Variants in TMEM164 observed in about 807,000 individuals in gnomAD.
TMEM164 encodes transmembrane protein 164.
A neutral mutation model predicts 18.8 loss-of-function variants in TMEM164; 4 were observed. That is an observed-to-expected ratio of 0.21 (90% CI 0.10 to 0.49). The LOEUF (loss-of-function observed/expected upper bound fraction) is 0.49, where lower values mean the gene tolerates loss of function less well. Among genes scored for constraint, TMEM164 ranks in the 20% least tolerant of loss-of-function variants. The probability of loss-of-function intolerance (pLI) is 0.98; values close to 1 mark genes in which losing one functional copy is unlikely to be tolerated. For synonymous variants in TMEM164, 86 were observed against 101.7 expected (o/e 0.85, Z 0.93); for missense variants, 108 against 239.9 (o/e 0.45, Z 3.63).
intron 3 of TMEM164, among the ~76,000 whole-genome samples, chrX:110,101,482 G>T (rs2066109291): frequency 9.1e-6 from 1 of 109,504 alleles, no homozygotes; most frequent in African/African-American, 3.3e-5. Context: ...TGCTGATATT[G>T]TTAACTTTTT....
chrX:110,019,632 C>G (rs1042791115), intron 2 of TMEM164, among the ~76,000 whole-genome samples: 4 of 112,090 alleles, frequency 3.6e-5, no homozygotes, highest in African/African-American at 1.3e-4. Flanking sequence ...GATGCATACA[C>G]TTTATATTGT....
Position 110,018,241 on chromosome X carries a change from C to T in TMEM164, c.390+14077C>T, listed in dbSNP as rs773053333. ...GGTGACAAAGGCCAAAGAAGAAAAA[C>T]GTCAGAATAATCTGTCAGCCCAGTA... is the stretch of plus-strand genomic sequence containing the variant. On this transcript the variant is annotated intron_variant, in intron 2 of 6. Coordinates refer to ENST00000372068, the MANE Select transcript of TMEM164 (RefSeq NM_032227.4). Among the ~76,000 whole-genome samples, 123 of 112,228 alleles carry T rather than the reference C, an allele frequency of 1.1e-3. 4 individuals carry two copies. Among genetic ancestry groups the T allele is most frequent in the Non-Finnish European group, 9.8e-4 (52 of 53,207 alleles).
chrX:110,169,974 G>T (rs970485190), intron 5 of TMEM164, among the ~76,000 whole-genome samples: 1 of 111,702 alleles, frequency 9.0e-6, no homozygotes, highest in Middle Eastern at 4.7e-3. Flanking sequence ...TGGTGCATGG[G>T]ATGAAGCCCA....
At chrX:110,039,198 GTTA>G (rs917008795) in intron 2 of TMEM164, among the ~76,000 whole-genome samples, 4 of 112,485 alleles carry the variant, frequency 3.6e-5, no homozygotes, top group African/African-American at 9.7e-5. Context: ...AAAGGTAGTT[GTTA>G]TTATTAAAGC....
chrX:110,009,357 C>T (rs1411364278), intron 2 of TMEM164, among the ~76,000 whole-genome samples: 1 of 112,468 alleles, frequency 8.9e-6, no homozygotes, highest in Non-Finnish European at 1.9e-5. Flanking sequence ...TGTCCTTTCC[C>T]AGCCGTCTGA....
intron 2 of TMEM164, among the ~76,000 whole-genome samples, chrX:110,025,871 A>T (rs1934161648): frequency 8.9e-6 from 1 of 112,279 alleles, no homozygotes; most frequent in Non-Finnish European, 1.9e-5. Context: ...CTGGCTTGGC[A>T]TAGGGCTTTT....
At chrX:110,131,112 A>G (rs1389358508) in intron 4 of TMEM164, among the ~76,000 whole-genome samples, 1 of 111,906 alleles carries the variant, frequency 8.9e-6, no homozygotes, top group Non-Finnish European at 1.9e-5. Flanking sequence ...GGGAGATGTT[A>G]GAAGTAACAG....
intron 3 of TMEM164, among the ~76,000 whole-genome samples, chrX:110,073,737 C>A (rs776854309): frequency 5.6e-4 from 63 of 112,174 alleles, no homozygotes; most frequent in African/African-American, 1.9e-3. Flanking sequence ...AACCTGCTTT[C>A]CACAGTGGAT....
intron 5 of TMEM164, among the ~76,000 whole-genome samples, chrX:110,149,084 T>C (rs374425575): frequency 5.1e-4 from 6 of 11,776 alleles, no homozygotes; most frequent in Non-Finnish European, 1.2e-3. Flanking sequence ...ATCTATTGAG[T>C]TTTTTTTTTT....
Position 110,177,171 on chromosome X carries a change from TAAAAC to T in TMEM164, c.*3730_*3734del, listed in dbSNP as rs897021778. On this transcript the variant is annotated 3_prime_UTR_variant, in exon 7 of 7. Coordinates refer to ENST00000372068, the MANE Select transcript of TMEM164 (RefSeq NM_032227.4). Reference sequence around the variant, plus strand: ...GAAACAGACAAAGCCCCATGAAAAATAAAACAAAACAAAAGTCATTTCAAACAAAG... The same window carrying T: ...GAAACAGACAAAGCCCCATGAAAAATAAAACAAAAGTCATTTCAAACAAAG... The T allele has an allele frequency of 5.3e-5, 6 of 113,000 alleles. No homozygotes were observed. The highest frequency in any genetic ancestry group is 3.7e-4 in the South Asian group (1 of 2,738). The allele number at this position is 113,000 out of a possible 1,213,427, so 9.3% of individuals were successfully genotyped here. A position where few individuals can be genotyped will look rare whatever the true frequency, so the allele number is the denominator to read the frequency against.
chrX:110,105,750 TGAGAGAGAGAGAGAGAGA>T (rs59866982), intron 3 of TMEM164, among the ~76,000 whole-genome samples: 67 of 72,174 alleles, frequency 9.3e-4, no homozygotes, highest in African/African-American at 1.6e-3. Flanking sequence ...AGAGAGAGAA[TGAGAGAGAGAGAGAGAGA>T]GAGAGAGAGA....
At chrX:110,051,078 G>A (rs1935531672) in intron 2 of TMEM164, among the ~76,000 whole-genome samples, 1 of 112,173 alleles carries the variant, frequency 8.9e-6, no homozygotes, top group Admixed American at 9.4e-5. Flanking sequence ...CTCCCAGCTT[G>A]TTGTCTTGGT....
At chrX:110,168,447 G>A (rs994451092) in intron 5 of TMEM164, among the ~76,000 whole-genome samples, 5 of 112,667 alleles carry the variant, frequency 4.4e-5, no homozygotes, top group Non-Finnish European at 9.4e-5. Flanking sequence ...GGCAACAGGA[G>A]CGTTGAGCTC....
intron 3 of TMEM164, among the ~76,000 whole-genome samples, chrX:110,105,751 G>C (rs1278999716): frequency 6.4e-5 from 1 of 15,549 alleles, no homozygotes; most frequent in Admixed American, 9.2e-4. Context: ...GAGAGAGAAT[G>C]AGAGAGAGAG....
At chrX:110,062,815 G>A (rs1002230064) in intron 2 of TMEM164, among the ~76,000 whole-genome samples, 2 of 111,494 alleles carry the variant, frequency 1.8e-5, no homozygotes, top group African/African-American at 3.3e-5. Flanking sequence ...TCCGCCATCC[G>A]AAGAACCTTG....
intron 3 of TMEM164, among the ~76,000 whole-genome samples, chrX:110,101,897 C>T (rs1435529044): frequency 9.1e-6 from 1 of 109,789 alleles, no homozygotes; most frequent in East Asian, 2.9e-4. Context: ...TATTGTTTTT[C>T]TTTTCCATTT....
At chrX:110,095,815 G>A (rs1391045199) in intron 3 of TMEM164, among the ~76,000 whole-genome samples, 1 of 112,121 alleles carries the variant, frequency 8.9e-6, no homozygotes, top group Admixed American at 9.5e-5. Context: ...CATCTTTGTG[G>A]TTTTATCTAC....
At chrX:110,010,509 G>T (rs1399811665) in intron 2 of TMEM164, among the ~76,000 whole-genome samples, 2 of 112,802 alleles carry the variant, frequency 1.8e-5, no homozygotes, top group African/African-American at 6.4e-5. Context: ...TTATAATGCG[G>T]ATACCTTGTT....
intron 5 of TMEM164, among the ~76,000 whole-genome samples, chrX:110,148,147 G>A (rs1372292260): frequency 1.8e-5 from 2 of 110,257 alleles, no homozygotes; most frequent in Non-Finnish European, 3.8e-5. Flanking sequence ...TCTGTCTATG[G>A]CCAGCTCCTC....
Sources: allele counts gnomAD v4.1 joint callset (sites outside exome capture counted in the v4.1 genomes callset), GRCh38; gene constraint gnomAD v4.1.1; transcripts MANE v1.5; gene names NCBI Gene and HGNC (gene_info 2026-07-23, HGNC 2026-07-21).